CLSTN2: variants seen among roughly 807,000 people sequenced by gnomAD.
CLSTN2 encodes calsyntenin-2.
A neutral mutation model predicts 101.2 loss-of-function variants in CLSTN2; 48 were observed. The ratio of observed to expected loss-of-function variants is 0.47; its 90% CI spans 0.38 to 0.60. The LOEUF (loss-of-function observed/expected upper bound fraction) is 0.60. Among genes scored for constraint, CLSTN2 ranks in the 20% least tolerant of loss-of-function variants. CLSTN2 has a pLI of 0.00. For missense variants in CLSTN2, 1,160 were observed against 1,238.2 expected, an observed-to-expected ratio of 0.94 and a Z score of 0.95; for synonymous variants, 481 against 463.6, an observed-to-expected ratio of 1.04 and a Z score of -0.48.
intron 1 of CLSTN2, among the ~76,000 whole-genome samples, chr3:139,965,902 T>G (rs972487613): frequency 6.6e-6 from 1 of 152,170 alleles, no homozygotes; most frequent in African/African-American, 2.4e-5. Flanking sequence ...CAAAATCAAC[T>G]TGCCCCGTCA....
At chr3:140,016,732 C>G (rs56132049) in intron 1 of CLSTN2, among the ~76,000 whole-genome samples, 27,004 of 137,756 alleles carry the variant, frequency 0.2, 2,730 homozygotes, top group Admixed American at 0.36. Flanking sequence ...CTCAGAGGCG[C>G]AGTTTGCAGT....
chr3:140,161,524 G>A (rs2010046762), intron 1 of CLSTN2, among the ~76,000 whole-genome samples: 2 of 152,152 alleles, frequency 1.3e-5, no homozygotes, highest in South Asian at 4.1e-4. Context: ...AAATTGATGT[G>A]CTAGTGATCC....
intron 1 of CLSTN2, among the ~76,000 whole-genome samples, chr3:140,046,648 G>T (rs539709211): frequency 2.0e-5 from 3 of 152,238 alleles, no homozygotes; most frequent in African/African-American, 7.2e-5. Flanking sequence ...GCAGTGGCTG[G>T]TACCGGTTGT....
At chr3:140,171,690 ATAT>A (rs1293132507) in intron 1 of CLSTN2, among the ~76,000 whole-genome samples, 7 of 108,760 alleles carry the variant, frequency 6.4e-5, no homozygotes, top group African/African-American at 1.6e-4. Flanking sequence ...TATATAATAT[ATAT>A]TAATATATAA....
intron 1 of CLSTN2, among the ~76,000 whole-genome samples, chr3:140,003,237 GT>G (rs2006885695): frequency 6.6e-6 from 1 of 151,914 alleles, no homozygotes; most frequent in East Asian, 1.9e-4. Context: ...CAATTTCTGT[GT>G]TTTACAGTTT....
At chr3:140,375,091 C>G (rs1319573663) in intron 2 of CLSTN2, among the ~76,000 whole-genome samples, 2 of 152,122 alleles carry the variant, frequency 1.3e-5, no homozygotes, top group South Asian at 4.1e-4. Flanking sequence ...CTCTTTGTTG[C>G]TCACAAAATG....
chr3:140,047,410 A>G (rs1292129676), intron 1 of CLSTN2, among the ~76,000 whole-genome samples: 2 of 152,284 alleles, frequency 1.3e-5, no homozygotes, highest in East Asian at 3.9e-4. Context: ...GTTGGTATAT[A>G]AAGTTTATTA....
chr3:140,112,656 T>C (rs77842528), intron 1 of CLSTN2, among the ~76,000 whole-genome samples: 13,576 of 152,138 alleles, frequency 0.089, 840 homozygotes, highest in Middle Eastern at 0.13. Context: ...TATGGGTGCA[T>C]GCAGTCCAGG....
chr3:140,465,819 G>T (rs892922248), intron 7 of CLSTN2, among the ~76,000 whole-genome samples: 2 of 152,120 alleles, frequency 1.3e-5, no homozygotes, highest in Non-Finnish European at 2.9e-5. Flanking sequence ...CACTACACAT[G>T]GGCACCTGCT....
chr3:140,517,927 G>A (rs1274173245), intron 8 of CLSTN2, among the ~76,000 whole-genome samples: 1 of 152,196 alleles, frequency 6.6e-6, no homozygotes, highest in East Asian at 1.9e-4. Context: ...AGGGCAGGTA[G>A]AGAAAGACCA....
At chr3:140,072,603 G>T (rs575685190) in intron 1 of CLSTN2, among the ~76,000 whole-genome samples, 2 of 152,286 alleles carry the variant, frequency 1.3e-5, no homozygotes, top group South Asian at 4.1e-4. Context: ...GGGAAGGCCT[G>T]TTTACAAAAA....
chr3:140,018,958 T>C (rs1281895530), intron 1 of CLSTN2, among the ~76,000 whole-genome samples: 1 of 152,218 alleles, frequency 6.6e-6, no homozygotes, highest in Non-Finnish European at 1.5e-5. Context: ...TTATTACATG[T>C]GTATGGGACC....
chr3:140,564,437 C>G (rs184595979), intron 16 of CLSTN2, among the ~76,000 whole-genome samples: 2 of 152,196 alleles, frequency 1.3e-5, no homozygotes, highest in Admixed American at 6.5e-5. Flanking sequence ...GGTGGCTAAG[C>G]CTTGCTTCCC....
intron 2 of CLSTN2, among the ~76,000 whole-genome samples, chr3:140,374,691 T>C (rs1406687458): frequency 6.6e-6 from 1 of 152,238 alleles, no homozygotes; most frequent in African/African-American, 2.4e-5. Context: ...ATAGAAAACC[T>C]AAATGATCCT....
chr3:140,377,469 C>G (rs1036782762), intron 2 of CLSTN2, among the ~76,000 whole-genome samples: 3 of 152,090 alleles, frequency 2.0e-5, no homozygotes, highest in African/African-American at 7.2e-5. Context: ...GTTATTTACC[C>G]TGAAGAACTT....
intron 2 of CLSTN2, among the ~76,000 whole-genome samples, chr3:140,240,051 C>G (rs1411781419): frequency 6.7e-6 from 1 of 149,074 alleles, no homozygotes; most frequent in African/African-American, 2.5e-5. Context: ...GGAATTCCAT[C>G]TGTGAATTCA....
chr3:140,310,078 C>T (rs2087151339), intron 2 of CLSTN2, among the ~76,000 whole-genome samples: 2 of 152,062 alleles, frequency 1.3e-5, no homozygotes, highest in African/African-American at 4.8e-5. Context: ...CTTCCTCCTC[C>T]ATCTCCTCCT....
At chr3:140,294,888 G>C (rs1223620726) in intron 2 of CLSTN2, among the ~76,000 whole-genome samples, 1 of 152,092 alleles carries the variant, frequency 6.6e-6, no homozygotes, top group Non-Finnish European at 1.5e-5. Context: ...TTCTTTCATG[G>C]GGAGAAGGGG....
At chr3:140,150,185 T>G (rs1208935642) in intron 1 of CLSTN2, among the ~76,000 whole-genome samples, 1 of 152,210 alleles carries the variant, frequency 6.6e-6, no homozygotes, top group Non-Finnish European at 1.5e-5. Flanking sequence ...TGTGGTCTAT[T>G]GTGTGCCCAG....
Sources: gnomAD v4.1 joint callset for allele counts (sites outside exome capture counted in the v4.1 genomes callset) on GRCh38, gnomAD v4.1.1 for gene constraint, MANE v1.5 for transcripts, NCBI Gene and HGNC (gene_info 2026-07-23, HGNC 2026-07-21) for gene names.